The following DMBT1 variants were observed in gnomAD, a reference collection of about 807,000 sequenced individuals.
DMBT1 encodes deleted in malignant brain tumors 1.
In DMBT1, 198 loss-of-function variants were observed where a neutral mutation model predicts 252.9. The observed-to-expected ratio is 0.78, with a 90% CI of 0.70 to 0.88. The LOEUF is 0.88. DMBT1 is among the 40% of genes least tolerant of loss of function. The pLI is 0.00. For missense variants in DMBT1, 2,432 were observed against 2,404.7 expected (o/e 1.01, Z -0.24); for synonymous variants, 990 against 942.7 (o/e 1.05, Z -0.92).
Position 122,590,675 on chromosome 10 carries a change from C to T in DMBT1, c.2118C>T (p.Ser706=). 1 of 1,587,826 alleles carries T rather than the reference C, an allele frequency of 6.3e-7. No homozygotes were observed. The highest frequency in any genetic ancestry group is 1.3e-5 in the African/African-American group (1 of 74,570). ...TCCTCTTTCTCACAGCTGCCCAGTC[C>T]CGGTCGACGCCCAGGCCAGGTGAGT... The part of the protein sequence containing the change: ...DAGVICSAAQ[S]RSTPRPDTLS... Residue 706 remains serine, a synonymous_variant, in exon 18 of 56, where the codon TCC becomes TCT. Transcript: ENST00000338354.
chr10:122,634,430 T>TTCTCTCTCTCTCTCTCTC (rs764559052), intron 52 of DMBT1, among the ~76,000 whole-genome samples: 2 of 74,252 alleles, frequency 2.7e-5, no homozygotes, highest in African/African-American at 9.6e-5. Context: ...TCTCTCTCTC[T>TTCTCTCTCTCTCTCTCTC]TCTCTCTCTC....
intron 27 of DMBT1, among the ~76,000 whole-genome samples, chr10:122,600,327 A>C (rs2133611848): frequency 6.6e-6 from 1 of 152,066 alleles, no homozygotes. Context: ...AAACAGTTTC[A>C]TACTGTCCCA....
At position 122,592,476 on chromosome 10, in the gene DMBT1, C is replaced by A; in HGVS notation, c.2381C>A (p.Pro794His). Residue 794 changes from proline (P) to histidine (H), a missense_variant, in exon 20 of 56, where the codon CCC (proline) becomes CAC (histidine). Transcript: ENST00000338354. ...GCCCGGTTTGGCCAGGGCTCAGGAC[C>A]CATTGTTCTGGATGATGTGCGCTGC... ...GNARFGQGSG[P>H]IVLDDVRCSG... The A allele has an allele frequency of 6.3e-7, 1 of 1,587,840 alleles. No individual in the cohort carries two copies. Among genetic ancestry groups the A allele is most frequent in the Non-Finnish European group, 8.6e-7 (1 of 1,165,606 alleles).
intron 52 of DMBT1, 95 bp downstream of exon 52, chr10:122,633,436 G>A: frequency 1.3e-6 from 2 of 1,541,372 alleles, no homozygotes; most frequent in East Asian, 2.5e-5. Flanking sequence ...AATGCCTTGG[G>A]GCCCCACAGA....
chr10:122,572,506 G>C, intron 5 of DMBT1, 145 bp downstream of exon 5: 1 of 1,142,144 alleles, frequency 8.8e-7, no homozygotes, highest in South Asian at 1.3e-5. Flanking sequence ...ACCTTGTGCT[G>C]TGTATGTGCA....
At chr10:122,625,079 C>T (rs1269524899) in intron 44 of DMBT1, among the ~76,000 whole-genome samples, 198 bp from the exon 45 acceptor site, 1 of 152,208 alleles carries the variant, frequency 6.6e-6, no homozygotes, top group Non-Finnish European at 1.5e-5. Flanking sequence ...GTTCAATCTA[C>T]TTTCAGGCTG....
Position 122,579,841 on chromosome 10 carries a change from C to A in DMBT1, c.943C>A (p.His315Asn), listed in dbSNP as rs1203770513. 1 of 1,613,652 alleles carries A rather than the reference C, an allele frequency of 6.2e-7. No homozygotes were observed. The highest frequency in any genetic ancestry group is 1.7e-4 in the Middle Eastern group (1 of 6,056). Residue 315 changes from histidine (H) to asparagine (N), a missense_variant, in exon 10 of 56, where the codon CAC (histidine) becomes AAC (asparagine). Physicochemically the swap from His to Asn is moderately conservative, Grantham distance 68. Around this residue, in one of 3 missense-constraint regions of DMBT1, gnomAD observed 1,264 missense variants for 1,082.2 expected, o/e 1.17. Coordinates refer to ENST00000338354, the MANE Select transcript of DMBT1 (RefSeq NM_001377530.1). ...TGAGTCCTACCTGTGGAGCTGCCCC[C>A]ACAATGGCTGGCTCACCCACAACTG... is the stretch of plus-strand genomic sequence containing the variant. ...GHESYLWSCP[H>N]NGWLTHNCGH...
At chr10:122,585,507 C>G (rs1382760814) in intron 15 of DMBT1, among the ~76,000 whole-genome samples, 198 bp downstream of exon 15, 1 of 147,970 alleles carries the variant, frequency 6.8e-6, no homozygotes, top group Non-Finnish European at 1.5e-5. Flanking sequence ...GGTGACTTTT[C>G]TCCCGTGGAA....
Position 122,643,404 on chromosome 10 carries a change from C to T in DMBT1, c.*6C>T, listed in dbSNP as rs775479889. The T allele has an allele frequency of 6.9e-5, 111 of 1,607,716 alleles. No homozygotes were observed. The highest frequency in any genetic ancestry group is 1.7e-4 in the Middle Eastern group (1 of 5,882). ...GAGAAGAGGAGCCTCGGTAGGTGGT[C>T]GCTCTCAGACCCCACTGTCCACCGG... On this transcript the variant is annotated 3_prime_UTR_variant, in exon 56 of 56. Transcript: ENST00000338354.
In DMBT1 at chr10:122,638,940, C is replaced by T. The variant is rs1005104084; in HGVS notation, c.6943-1100C>T. ...ATAACTTTTAAAATTCTCAGGACAA[C>T]TTTATTCCCACTTAATTATGAGGCA... On this transcript the variant is annotated intron_variant, in intron 54 of 55. Coordinates refer to ENST00000338354, the MANE Select transcript of DMBT1 (RefSeq NM_001377530.1). 2.0e-5 allele frequency among the ~76,000 whole-genome samples: 3 copies of T among 152,310 alleles called. No homozygotes were observed. The East Asian group carries it at 5.8e-4, about 29-fold the overall frequency.
Position 122,593,585 on chromosome 10 carries a change from G to C in DMBT1, c.2517G>C (p.Pro839=), listed in dbSNP as rs144096112. ...GVICSVSQSR[P]TPSPDTWPTS... ...TTCTCACAGTTTCCCAGTCCCGGCCGACACCCAGTCCAGGTAGGTCCCCAG... is the reference window on the plus strand; with the variant it reads ...TTCTCACAGTTTCCCAGTCCCGGCCCACACCCAGTCCAGGTAGGTCCCCAG... The change falls in exon 21 of 56, where the codon CCG becomes CCC. Residue 839 remains proline, a synonymous_variant. Coordinates refer to ENST00000338354, the MANE Select transcript of DMBT1 (RefSeq NM_001377530.1). 6.3e-7 allele frequency: 1 copy of C among 1,587,152 alleles called. No homozygotes were observed. The highest frequency in any genetic ancestry group is 8.6e-7 in the Non-Finnish European group (1 of 1,164,942).
At chr10:122,577,746 CA>C in intron 7 of DMBT1, 64 bp from the exon 8 acceptor site, 1 of 1,590,930 alleles carries the variant, frequency 6.3e-7, no homozygotes, top group South Asian at 1.1e-5. Flanking sequence ...CAAGTCACTT[CA>C]GCCTTAACTC....
chr10:122,568,171 C>T (rs753365919), intron 2 of DMBT1, among the ~76,000 whole-genome samples: 5 of 151,844 alleles, frequency 3.3e-5, no homozygotes, highest in Non-Finnish European at 7.4e-5. Context: ...AAGGAGGAGT[C>T]GAATATGATG....
In DMBT1 at chr10:122,586,280, C is replaced by T. The variant is rs143892520; in HGVS notation, c.1680C>T (p.Asp560=). Residue 560 remains aspartate, a synonymous_variant, in exon 16 of 56, where the codon GAC becomes GAT. Coordinates refer to ENST00000338354, the MANE Select transcript of DMBT1 (RefSeq NM_001377530.1). The stretch of plus-strand genomic sequence containing the variant: ...GCTCAGGACCCATTGTCCTGGATGA[C>T]GTGCGCTGCTCAGGGAATGAGTCCT... The part of the protein sequence containing the change: ...GQGSGPIVLD[D]VRCSGNESYL... 74 of 1,588,604 alleles carry T rather than the reference C, an allele frequency of 4.7e-5. 3 individuals are homozygous for T. Among genetic ancestry groups the T allele is most frequent in the Admixed American group, 1.3e-4 (8 of 59,534 alleles).
chr10:122,628,436 G>T (rs1472913087), intron 46 of DMBT1, among the ~76,000 whole-genome samples: 1 of 152,170 alleles, frequency 6.6e-6, no homozygotes, highest in East Asian at 1.9e-4. Flanking sequence ...AGGACTTCGA[G>T]ACCAGCCTGG....
rs2097856297 is a variant in DMBT1, at chr10:122,592,369, T to C, written c.2274T>C (p.Cys758=). The C allele has an allele frequency of 3.1e-6, 5 of 1,588,462 alleles. No homozygotes were observed. Among genetic ancestry groups the C allele is most frequent in the Non-Finnish European group, 4.3e-6 (5 of 1,165,822 alleles). The change falls in exon 20 of 56, where the codon TGT becomes TGC. Residue 758 remains cysteine (C), a synonymous_variant. Transcript: ENST00000338354. The part of the protein sequence containing the change: ...VLYRGSWGTV[C]DDSWDTNDAN... ...ACCGAGGCTCCTGGGGCACCGTGTG[T>C]GATGACAGCTGGGATACCAATGATG...
chr10:122,629,898 A>C lies in DMBT1; in HGVS notation c.5727A>C (p.Pro1909=), dbSNP rs76568846. Residue 1909 remains proline, a synonymous_variant, in exon 47 of 56, where the codon CCA becomes CCC. Transcript: ENST00000338354. ...LFYASGTFSS[P]SYPAYYPNNA... ...ATGCCAGTGGGACATTCTCCAGCCC[A>C]TCCTACCCTGCATACTACCCCAACA... The C allele has an allele frequency of 4.4e-4, 713 of 1,613,996 alleles. 3 individuals carry two copies. The African/African-American group carries it at 7.8e-3, about 18-fold the overall frequency.
Position 122,589,214 on chromosome 10 carries a change from G to A in DMBT1, c.2054G>A (p.Gly685Asp), listed in dbSNP as rs761768803. 4 of 1,588,376 alleles carry A rather than the reference G, an allele frequency of 2.5e-6. No homozygotes were observed. The African/African-American group carries it at 4.0e-5, about 16-fold the overall frequency. Reference sequence around the variant, plus strand: ...TACCTGTGGAGCTGCCCCAACAATGGCTGGCTCTCCCACAACTGTGGCCAT... The same window carrying A: ...TACCTGTGGAGCTGCCCCAACAATGACTGGCTCTCCCACAACTGTGGCCAT... ...ESYLWSCPNN[G>D]WLSHNCGHHE... The change falls in exon 17 of 56, where the codon GGC becomes GAC. Residue 685 changes from glycine (G) to aspartate (D), a missense_variant. Gly to Asp is a moderately conservative substitution (Grantham distance 94). Transcript: ENST00000338354.
chr10:122,634,340 TTTTCTTTCTTTCTTTCTTTCTTTCTTTC>T lies in DMBT1; in HGVS notation c.6548+1035_6548+1062del, dbSNP rs776949913. On this transcript the variant is annotated intron_variant, in intron 52 of 55. Transcript: ENST00000338354. ...GCAGAGAGGACATTACTAAAAGCACTTTTCTTTCTTTCTTTCTTTCTTTCTTTCTTTCTTTCTTTCTTTCTTTCTTTCT... is the reference window on the plus strand; with the variant it reads ...GCAGAGAGGACATTACTAAAAGCACTTTTCTTTCTTTCTTTCTTTCTTTCT... Among the ~76,000 whole-genome samples, 22 of 99,962 alleles carry T rather than the reference TTTTCTTTCTTTCTTTCTTTCTTTCTTTC, an allele frequency of 2.2e-4. 1 individual carries two copies. In the Middle Eastern group the frequency reaches 0.015, roughly 70 times the overall value. 65.6% of individuals were successfully genotyped at this position (99,962 alleles called of 152,430 possible). A position where few individuals can be genotyped will look rare whatever the true frequency, so the allele number is the denominator to read the frequency against.
Sources: allele counts gnomAD v4.1 joint callset (sites outside exome capture counted in the v4.1 genomes callset), GRCh38; gene constraint gnomAD v4.1.1; regional missense constraint gnomAD v4.1.1; transcripts MANE v1.5; gene names NCBI Gene and HGNC (gene_info 2026-07-23, HGNC 2026-07-21).